PPP6R1: variants seen among roughly 807,000 people sequenced by gnomAD.
The protein encoded by PPP6R1 is protein phosphatase 6 regulatory subunit 1, also known as serine/threonine-protein phosphatase 6 regulatory subunit 1.
In PPP6R1, 39 loss-of-function variants were observed where a neutral mutation model predicts 104.6. The observed-to-expected ratio is 0.37, with a 90% confidence interval of 0.29 to 0.49. The LOEUF (loss-of-function observed/expected upper bound fraction) is 0.49, where lower values mean the gene tolerates loss of function less well. PPP6R1 is among the 20% of genes least tolerant of loss of function. The pLI is 0.98. For synonymous variants in PPP6R1, 549 were observed against 479.0 expected, an observed-to-expected ratio of 1.15 and a Z score of -1.91; for missense variants, 1,181 against 1,155.8, an observed-to-expected ratio of 1.02 and a Z score of -0.32.
In PPP6R1 at chr19:55,230,834, G is replaced by C. The variant is rs201404311; in HGVS notation, c.2510C>G (p.Pro837Arg). The change falls in exon 22 of 24, where the codon CCC becomes CGC. Residue 837 changes from proline (P) to arginine (R), a missense_variant. Pro to Arg is a moderately radical substitution (Grantham distance 103). Transcript: ENST00000412770. ...CTTCTCCCCTTCTGTGGTCTGGGGG[G>C]GCTGGTGGGCCCCGGAGGCTGGGAC... ...TSVPASGAHQ[P>R]PQTTEGEKSP... 1,955 of 1,606,878 alleles carry C rather than the reference G, an allele frequency of 1.2e-3. 3 individuals carry two copies. Among genetic ancestry groups the C allele is most frequent in the Non-Finnish European group, 1.5e-3 (1,807 of 1,179,522 alleles).
At position 55,245,669 on chromosome 19, in the gene PPP6R1, A is replaced by G; in HGVS notation, c.237T>C (p.Ser79=). The change falls in exon 3 of 24, where the codon AGT becomes AGC. Residue 79 remains serine, a synonymous_variant. Transcript: ENST00000412770. The surrounding 1 kb of genome is among the most constrained non-coding windows in gnomAD (Gnocchi z 6.4). ...GEERLRYKYP[S]VACEILTSDV... is the part of the protein sequence containing the mutation. The stretch of plus-strand genomic sequence containing the variant: ...CTGAGGTCAGAATCTCGCAGGCCAC[A>G]CTGGGGTACCTGGGAGGCAAGCACA... The G allele has an allele frequency of 1.2e-6, 2 of 1,605,172 alleles. No homozygotes were observed. The highest frequency in any genetic ancestry group is 2.2e-5 in the South Asian group (2 of 90,888).
chr19:55,257,989 C>T (rs1336012095), intron 1 of PPP6R1, among the ~76,000 whole-genome samples: 2 of 152,196 alleles, frequency 1.3e-5, no homozygotes, highest in Non-Finnish European at 2.9e-5. Context: ...TCCTGAGCTC[C>T]GGGGATCTAA....
chr19:55,232,306 G>A (rs145604418), intron 17 of PPP6R1, 95 bp from the exon 18 acceptor site: 268 of 1,446,354 alleles, frequency 1.9e-4, no homozygotes, highest in Admixed American at 1.4e-3. Flanking sequence ...CAAGGAGAGC[G>A]GGCTGGGATG....
At chr19:55,234,508 T>G (rs1243674622) in intron 17 of PPP6R1, among the ~76,000 whole-genome samples, 2 of 152,190 alleles carry the variant, frequency 1.3e-5, no homozygotes, top group Non-Finnish European at 2.9e-5. Context: ...ATACAAAATT[T>G]AGCTCAAAAT....
chr19:55,254,916 T>C (rs1219329273), intron 1 of PPP6R1, among the ~76,000 whole-genome samples: 1 of 152,200 alleles, frequency 6.6e-6, no homozygotes, highest in Admixed American at 6.5e-5. Context: ...CCACCACCTC[T>C]GGGCAGGACC....
At chr19:55,248,200 C>A (rs558582597) in intron 1 of PPP6R1, among the ~76,000 whole-genome samples, 38 of 152,232 alleles carry the variant, frequency 2.5e-4, no homozygotes, top group Non-Finnish European at 5.0e-4. Flanking sequence ...CACTTGATGA[C>A]AATGGTCCTG....
rs1444343908 is a variant in PPP6R1 at position 55,231,377 on chromosome 19, C to T, written c.2459+33G>A. The T allele has an allele frequency of 5.2e-6, 8 of 1,549,786 alleles. No individual in the cohort carries two copies. The South Asian group carries it at 9.5e-5, about 18-fold the overall frequency. ...TCAGCGAAGAGGAGAAAAGACTTCT[C>T]CCGATACTAGGCAGCCCCACCTCGC... On this transcript the variant is annotated intron_variant, in intron 21 of 23. Coordinates refer to ENST00000412770, the MANE Select transcript of PPP6R1 (RefSeq NM_014931.4).
chr19:55,246,800 G>T (rs975053379), intron 2 of PPP6R1, 77 bp downstream of exon 2: 5 of 1,284,792 alleles, frequency 3.9e-6, no homozygotes, highest in Non-Finnish European at 5.3e-6. Flanking sequence ...CGCATTTCAG[G>T]GTAGCTGTGA....
At chr19:55,228,681 AGGCTCTCACCTG>A, downstream of PPP6R1, 1 of 1,611,602 alleles carries the variant, frequency 6.2e-7, no homozygotes, top group Non-Finnish European at 8.5e-7. Context: ...ACAGCTCAGA[AGGCTCTCACCTG>A]GGCTGAGCAG....
In PPP6R1 at chr19:55,242,393, C is replaced by G. The variant is rs2087466792; in HGVS notation, c.714G>C (p.Leu238=). 1.2e-6 allele frequency: 2 copies of G among 1,613,642 alleles called. No homozygotes were observed. Among genetic ancestry groups the G allele is most frequent in the Non-Finnish European group, 1.7e-6 (2 of 1,179,648 alleles). The change falls in exon 6 of 24, where the codon CTG becomes CTC. Residue 238 remains leucine (L), a synonymous_variant. Coordinates refer to ENST00000412770, the MANE Select transcript of PPP6R1 (RefSeq NM_014931.4). ...ACACCCACTTCTCCAGGGTGGCCAG[C>G]AGTTGGTCAGGCTCTGGGCTGTCCT... ...QVQDSPEPDQ[L]LATLEKQETI...
At position 55,258,529 on chromosome 19, in the gene PPP6R1, C is replaced by T. The variant is rs1290074472; in HGVS notation, c.-101G>A. ...CGGCTCCGGCCCCTGCTGCGGGGCC[C>T]GGTGAGTGGGGGCGGGGGCGGCGTC... On this transcript the variant is annotated 5_prime_UTR_variant, in exon 1 of 24. Coordinates refer to ENST00000412770, the MANE Select transcript of PPP6R1 (RefSeq NM_014931.4). The T allele has an allele frequency of 6.7e-6, 1 of 149,788 alleles. No homozygotes were observed. Among genetic ancestry groups the T allele is most frequent in the African/African-American group, 2.4e-5 (1 of 41,096 alleles). The allele number at this position is 149,788 out of a possible 1,614,324, so 9.3% of individuals were successfully genotyped here.
At chr19:55,257,574 C>T (rs576746683) in intron 1 of PPP6R1, among the ~76,000 whole-genome samples, 4 of 152,210 alleles carry the variant, frequency 2.6e-5, no homozygotes, top group Admixed American at 2.6e-4. Flanking sequence ...TGCTCCTTCC[C>T]CCCCCGGAAG....
chr19:55,231,598 C>T lies in PPP6R1; in HGVS notation c.2377G>A (p.Ala793Thr). Residue 793 changes from alanine (A) to threonine (T), a missense_variant and splice_region_variant, in exon 20 of 24, where the codon GCC (alanine) becomes ACC (threonine). By Grantham distance (58) the Ala-to-Thr change is moderately conservative. Transcript: ENST00000412770. Reference protein sequence around the residue: ...TEGSKVTEPSAPCQALVSIGD... With the variant: ...TEGSKVTEPSTPCQALVSIGD... ...GTGGGCAGGGCAAAGCGGGGCTCAC[C>T]TGAGGGCTCCGTGACTTTGCTGCCT... is the stretch of plus-strand genomic sequence containing the variant. The T allele has an allele frequency of 1.2e-6, 2 of 1,610,558 alleles. No individual in the cohort carries two copies. Among genetic ancestry groups the T allele is most frequent in the Non-Finnish European group, 1.7e-6 (2 of 1,178,554 alleles).
At chr19:55,235,807 C>T (rs1293917103) in intron 17 of PPP6R1, among the ~76,000 whole-genome samples, 7 of 151,074 alleles carry the variant, frequency 4.6e-5, no homozygotes, top group African/African-American at 1.5e-4. Flanking sequence ...CGTGAGCCAC[C>T]GTGCCCGGCT....
intron 12 of PPP6R1, 38 bp downstream of exon 12, chr19:55,239,961 C>T: frequency 6.2e-7 from 1 of 1,612,038 alleles, no homozygotes; most frequent in South Asian, 1.1e-5. Context: ...GGCTTCAAGC[C>T]CCCCACCTAG....
rs766524357 is a variant in PPP6R1, at chr19:55,247,249, C to T, written c.-6-140G>A. On this transcript the variant is annotated intron_variant, in intron 1 of 23. Coordinates refer to ENST00000412770, the MANE Select transcript of PPP6R1 (RefSeq NM_014931.4). ...CCAGCCCTCTGCCTCATGCTGAGCCCGGCCCCGCCCCGGGACTGCCCGCAG... is the reference window on the plus strand; with the variant it reads ...CCAGCCCTCTGCCTCATGCTGAGCCTGGCCCCGCCCCGGGACTGCCCGCAG... 1.0e-4 allele frequency: 90 copies of T among 879,438 alleles called. No homozygotes were observed. In the African/African-American group the frequency reaches 1.1e-3, roughly 10 times the overall value. The allele number at this position is 879,438 out of a possible 1,614,324, so 54.5% of individuals were successfully genotyped here.
Position 55,242,167 on chromosome 19 carries a change from T to C in PPP6R1, c.844A>G (p.Arg282Gly). The C allele has an allele frequency of 6.2e-7, 1 of 1,611,760 alleles. No individual in the cohort carries two copies. The highest frequency in any genetic ancestry group is 8.5e-7 in the Non-Finnish European group (1 of 1,179,612). ...TGGTCTGTGGCCCGTATCCCTCACC[T>C]CGGCCTCCTGGGCTCCAGCAGGGTC... ...LLTLLEPRRP[R>G]SESVTVNSFF... is the part of the protein sequence containing the mutation. The change falls in exon 7 of 24, where the codon AGG becomes GGG. Residue 282 changes from arginine to glycine, a missense_variant and splice_region_variant. Physicochemically the swap from Arg to Gly is moderately radical, Grantham distance 125 (BLOSUM62 -2). Transcript: ENST00000412770.
chr19:55,248,024 C>T (rs2087524772), intron 1 of PPP6R1, among the ~76,000 whole-genome samples: 1 of 152,208 alleles, frequency 6.6e-6, no homozygotes, highest in African/African-American at 2.4e-5. Context: ...AACGCTCGTG[C>T]ATGGGAACTC....
intron 10 of PPP6R1, 27 bp downstream of exon 10, chr19:55,240,918 G>T: frequency 1.2e-6 from 2 of 1,600,126 alleles, no homozygotes. Context: ...GGCCCAGAAG[G>T]AGGGGGACCA....
Sources: allele counts gnomAD v4.1 joint callset (sites outside exome capture counted in the v4.1 genomes callset), GRCh38; gene constraint gnomAD v4.1.1; non-coding constraint Gnocchi (gnomAD v3.1); transcripts MANE v1.5; gene names NCBI Gene and HGNC (gene_info 2026-07-23, HGNC 2026-07-21).